NRXN3: variants seen among roughly 807,000 people sequenced by gnomAD.
NRXN3 encodes the protein neurexin 3, also known as neurexin III.
Under a neutral mutation model 137.6 loss-of-function variants are expected in NRXN3, and 32 were observed. The ratio of observed to expected loss-of-function variants is 0.23; its 90% CI spans 0.18 to 0.31. The LOEUF (loss-of-function observed/expected upper bound fraction) is 0.31. Among genes scored for constraint, NRXN3 ranks in the 10% least tolerant of loss-of-function variants. The pLI, the probability that NRXN3 is intolerant of heterozygous loss-of-function variation, is 1.00. For synonymous variants in NRXN3, 798 were observed against 784.5 expected, an observed-to-expected ratio of 1.02 and a Z score of -0.29; for missense variants, 1,574 against 2,062.5, an observed-to-expected ratio of 0.76 and a Z score of 4.59.
intron 15 of NRXN3, among the ~76,000 whole-genome samples, chr14:79,136,793 A>G (rs2058272421): frequency 6.6e-6 from 1 of 152,214 alleles, no homozygotes; most frequent in Non-Finnish European, 1.5e-5. Flanking sequence ...TAAGGATATA[A>G]AGGCAAAAAC....
chr14:79,136,351 T>A (rs2058227850), intron 15 of NRXN3, among the ~76,000 whole-genome samples: 1 of 152,236 alleles, frequency 6.6e-6, no homozygotes, highest in Admixed American at 6.5e-5. Flanking sequence ...ATGCTCAAAG[T>A]GTCCTCTGCA....
chr14:78,486,394 A>T (rs1012144744), intron 4 of NRXN3, among the ~76,000 whole-genome samples: 1 of 152,192 alleles, frequency 6.6e-6, no homozygotes, highest in African/African-American at 2.4e-5. Flanking sequence ...TCAGAAGGCT[A>T]ACTTATAGTC....
chr14:78,403,992 G>A (rs1373603968), intron 4 of NRXN3: 2 of 637,668 alleles, frequency 3.1e-6, no homozygotes, highest in Non-Finnish European at 3.9e-6. Flanking sequence ...GTGGTATTTG[G>A]AAGCTTAAAT....
At chr14:78,643,388 G>C (rs1376295544) in intron 4 of NRXN3, among the ~76,000 whole-genome samples, 1 of 152,156 alleles carries the variant, frequency 6.6e-6, no homozygotes, top group Non-Finnish European at 1.5e-5. Context: ...TTTTCTTTTA[G>C]TAATGAGGTG....
intron 10 of NRXN3, among the ~76,000 whole-genome samples, chr14:78,848,545 T>C (rs951306903): frequency 2.0e-5 from 3 of 152,178 alleles, no homozygotes; most frequent in African/African-American, 7.2e-5. Context: ...AATACTTTAT[T>C]TATTCCAGCT....
intron 19 of NRXN3, among the ~76,000 whole-genome samples, chr14:79,731,072 C>T (rs2098920531): frequency 6.6e-6 from 1 of 152,140 alleles, no homozygotes; most frequent in South Asian, 2.1e-4. Flanking sequence ...CTGCGGGTTG[C>T]TAAGGAGTGT....
At chr14:78,279,174 A>G (rs1242970730) in intron 3 of NRXN3, among the ~76,000 whole-genome samples, 3 of 152,210 alleles carry the variant, frequency 2.0e-5, no homozygotes, top group African/African-American at 7.2e-5. Context: ...GGTTATGTAA[A>G]TAATACATGC....
chr14:78,323,525 G>A (rs1468287248), intron 4 of NRXN3, among the ~76,000 whole-genome samples: 1 of 152,036 alleles, frequency 6.6e-6, no homozygotes, highest in African/African-American at 2.4e-5. Flanking sequence ...AGTGTACTGT[G>A]AATGGAAGGG....
intron 4 of NRXN3, among the ~76,000 whole-genome samples, chr14:78,540,504 A>T (rs781676098): frequency 4.3e-5 from 6 of 139,468 alleles, no homozygotes; most frequent in Non-Finnish European, 9.1e-5. Flanking sequence ...TTGAGCCTAT[A>T]TGCATCTTTG....
intron 10 of NRXN3, among the ~76,000 whole-genome samples, chr14:78,856,482 G>T (rs1285804267): frequency 6.6e-6 from 1 of 152,230 alleles, no homozygotes; most frequent in South Asian, 2.1e-4. Flanking sequence ...ACTTGAAATA[G>T]CAATTATTTT....
At chr14:79,027,154 T>C (rs971635570) in intron 15 of NRXN3, among the ~76,000 whole-genome samples, 38 of 151,482 alleles carry the variant, frequency 2.5e-4, no homozygotes, top group African/African-American at 9.0e-4. Context: ...TACTTATATC[T>C]ATTTGAAATG....
At chr14:79,126,500 G>T (rs1314207419) in intron 15 of NRXN3, among the ~76,000 whole-genome samples, 1 of 152,098 alleles carries the variant, frequency 6.6e-6, no homozygotes, top group Non-Finnish European at 1.5e-5. Context: ...CAAAGGACAT[G>T]AACTCATCAT....
intron 10 of NRXN3, among the ~76,000 whole-genome samples, chr14:78,831,438 A>G (rs897622274): frequency 6.9e-6 from 1 of 145,140 alleles, no homozygotes; most frequent in Non-Finnish European, 1.5e-5. Context: ...TGGGATACTG[A>G]GGCAGAGAAT....
chr14:78,469,733 A>G (rs1489716955), intron 4 of NRXN3, among the ~76,000 whole-genome samples: 3 of 152,240 alleles, frequency 2.0e-5, no homozygotes, highest in African/African-American at 7.2e-5. Flanking sequence ...TCATGATGCT[A>G]TTGAAACCCC....
Position 78,967,251 on chromosome 14 carries a change from A to G in NRXN3, c.2821A>G (p.Ile941Val). ...VFDLGNGPNV[I>V]KGNSDRPLND... ...TGACCTCGGAAACGGTCCCAATGTGATCAAAGGCAACAGTGACCGCCCCCT... is the reference window on the plus strand; with the variant it reads ...TGACCTCGGAAACGGTCCCAATGTGGTCAAAGGCAACAGTGACCGCCCCCT... Residue 941 changes from isoleucine (I) to valine (V), a missense_variant, in exon 13 of 21, where the codon ATC (isoleucine) becomes GTC (valine). Physicochemically the swap from Ile to Val is conservative, Grantham distance 29. Around this residue, in one of 5 missense-constraint regions of NRXN3, gnomAD observed 718 missense variants for 887.6 expected, o/e 0.81. Coordinates refer to ENST00000335750, the MANE Select transcript of NRXN3 (RefSeq NM_001330195.2). The G allele has an allele frequency of 6.2e-7, 1 of 1,612,736 alleles. No homozygotes were observed. The highest frequency in any genetic ancestry group is 8.5e-7 in the Non-Finnish European group (1 of 1,179,796).
At chr14:78,543,822 A>G (rs1377307528) in intron 4 of NRXN3, among the ~76,000 whole-genome samples, 1 of 152,190 alleles carries the variant, frequency 6.6e-6, no homozygotes, top group Non-Finnish European at 1.5e-5. Flanking sequence ...TCTTGAGTGC[A>G]GGTAGCCTCT....
At chr14:79,611,471 G>GA (rs1454594179) in intron 16 of NRXN3, 5 of 152,378 alleles carry the variant, frequency 3.3e-5, no homozygotes, top group African/African-American at 1.2e-4. Flanking sequence ...TGGTTGGGGG[G>GA]TGCCTGTAGT....
chr14:78,512,761 A>T (rs944171973), intron 4 of NRXN3, among the ~76,000 whole-genome samples: 10 of 152,166 alleles, frequency 6.6e-5, no homozygotes, highest in African/African-American at 2.4e-4. Flanking sequence ...AAGTTCTCCT[A>T]CAACCCTAAG....
intron 4 of NRXN3, among the ~76,000 whole-genome samples, chr14:78,458,686 A>C (rs1384422715): frequency 6.6e-6 from 1 of 152,212 alleles, no homozygotes; most frequent in Non-Finnish European, 1.5e-5. Flanking sequence ...TAACATTCTC[A>C]ATTTAGTCTT....
Sources: gnomAD v4.1 joint callset for allele counts (sites outside exome capture counted in the v4.1 genomes callset) on GRCh38, gnomAD v4.1.1 for gene constraint, gnomAD v4.1.1 regional missense constraint, MANE v1.5 for transcripts, NCBI Gene and HGNC (gene_info 2026-07-23, HGNC 2026-07-21) for gene names.